SNX8: variants seen among roughly 807,000 people sequenced by gnomAD.
SNX8 encodes the protein sorting nexin-8.
In SNX8, 25 loss-of-function variants were observed where a neutral mutation model predicts 51.6. That is an observed-to-expected ratio of 0.48 (90% CI 0.35 to 0.68). The LOEUF (loss-of-function observed/expected upper bound fraction) is 0.68, where lower values mean the gene tolerates loss of function less well. Ranked by LOEUF, SNX8 falls within the 30% of genes least tolerant of loss-of-function variation. The probability of loss-of-function intolerance (pLI) is 0.00; values close to 1 mark genes in which losing one functional copy is unlikely to be tolerated. For synonymous variants in SNX8, 324 were observed against 277.0 expected (o/e 1.17, Z -1.68); for missense variants, 695 against 624.0 (o/e 1.11, Z -1.21).
rs1446746858 is a variant in SNX8 at position 2,348,170 on chromosome 7, C to T, written c.-66+6052G>A. On this transcript the variant is annotated intron_variant, in intron 1 of 5. Transcript: ENST00000435336. The stretch of plus-strand genomic sequence containing the variant: ...CACACTGAAAAGGGCGGGCTAAGAT[C>T]GCCATCTGTAGGTGAATCGTTTCTT... 2.6e-5 allele frequency among the ~76,000 whole-genome samples: 4 copies of T among 152,044 alleles called. No homozygotes were observed. The East Asian group carries it at 7.7e-4, about 29-fold the overall frequency.
At chr7:2,339,355 G>T (rs1778882893) in intron 1 of SNX8, among the ~76,000 whole-genome samples, 1 of 151,890 alleles carries the variant, frequency 6.6e-6, no homozygotes, top group Admixed American at 6.6e-5. Flanking sequence ...ACAGGCACGT[G>T]CCACCACGCC....
At chr7:2,288,928 G>T (rs919422427) in intron 1 of SNX8, among the ~76,000 whole-genome samples, 12 of 152,224 alleles carry the variant, frequency 7.9e-5, no homozygotes, top group Admixed American at 7.2e-4. Context: ...GTAGAGATGA[G>T]GTTTCCCCAT....
chr7:2,289,261 C>G (rs771887743), intron 1 of SNX8, among the ~76,000 whole-genome samples: 2 of 152,120 alleles, frequency 1.3e-5, no homozygotes, highest in Non-Finnish European at 2.9e-5. Flanking sequence ...GGTGCTGTTA[C>G]GAACATTCCA....
In SNX8 at chr7:2,269,560, T is replaced by C; in HGVS notation, c.620A>G (p.Lys207Arg). 6.5e-7 allele frequency: 1 copy of C among 1,532,204 alleles called. No homozygotes were observed. Among genetic ancestry groups the C allele is most frequent in the South Asian group, 1.3e-5 (1 of 78,272 alleles). 94.9% of individuals were successfully genotyped at this position (1,532,204 alleles called of 1,614,324 possible). ...AAAAGAAAAAAAAAAGAAAAATACC[T>C]TGGCCCTGGTAGCCAGCTTACAGTT... ...FLNCKLATRA[K>R]DFLPADIQAQ... The change falls in exon 5 of 11, where the codon AAG becomes AGG. Residue 207 changes from lysine (K) to arginine (R), a missense_variant and splice_region_variant. By Grantham distance (26) the Lys-to-Arg change is conservative. Coordinates refer to ENST00000222990, the MANE Select transcript of SNX8 (RefSeq NM_013321.4).
intron 6 of SNX8, 88 bp downstream of exon 6, chr7:2,264,210 G>A (rs147536131): frequency 1.5e-4 from 204 of 1,327,324 alleles, no homozygotes; most frequent in African/African-American, 1.2e-3. Context: ...TGGTTATTAC[G>A]GTAAACGCAC....
chr7:2,278,722 C>G (rs71525367), intron 1 of SNX8, among the ~76,000 whole-genome samples: 1 of 80,492 alleles, frequency 1.2e-5, no homozygotes, highest in South Asian at 5.3e-4. Flanking sequence ...ACTACGGAGT[C>G]GAAGCCGGAC....
chr7:2,283,698 T>C (rs1795959710), intron 1 of SNX8, among the ~76,000 whole-genome samples: 1 of 152,062 alleles, frequency 6.6e-6, no homozygotes, highest in Non-Finnish European at 1.5e-5. Flanking sequence ...CCAAAGTGGG[T>C]GCGTATCAGA....
At chr7:2,264,217 G>A (rs565757020) in intron 6 of SNX8, 81 bp downstream of exon 6, 361 of 1,389,290 alleles carry the variant, frequency 2.6e-4, no homozygotes, top group African/African-American at 1.1e-3. Flanking sequence ...TACGGTAAAC[G>A]CACTTTCCGC....
At chr7:2,345,373 C>T (rs1440780468) in intron 1 of SNX8, among the ~76,000 whole-genome samples, 1 of 152,096 alleles carries the variant, frequency 6.6e-6, no homozygotes, top group Non-Finnish European at 1.5e-5. Context: ...CCAAAGGGGA[C>T]AAATAAAACT....
chr7:2,260,238 C>G (rs900539876), intron 7 of SNX8, among the ~76,000 whole-genome samples: 1 of 152,136 alleles, frequency 6.6e-6, no homozygotes, highest in Admixed American at 6.5e-5. Flanking sequence ...GCTGAGATTA[C>G]AGGTGCCCGC....
intron 1 of SNX8, among the ~76,000 whole-genome samples, chr7:2,279,305 T>C (rs1050727234): frequency 2.7e-5 from 4 of 148,378 alleles, no homozygotes; most frequent in Middle Eastern, 3.4e-3. Context: ...GAAGCCGGAC[T>C]CACTCACACT....
At chr7:2,263,811 T>C (rs995074247) in intron 6 of SNX8, among the ~76,000 whole-genome samples, 2 of 152,044 alleles carry the variant, frequency 1.3e-5, no homozygotes, top group Non-Finnish European at 2.9e-5. Flanking sequence ...CCTCCTAGGT[T>C]CAAGCAATTC....
At chr7:2,349,224 TA>T (rs1024633335) in intron 1 of SNX8, among the ~76,000 whole-genome samples, 1 of 148,120 alleles carries the variant, frequency 6.8e-6, no homozygotes, top group Non-Finnish European at 1.5e-5. Context: ...AAAAAAAAAG[TA>T]AAAAAAATGC....
chr7:2,326,191 CCT>C (rs1363401451), intron 1 of SNX8, among the ~76,000 whole-genome samples: 3 of 151,444 alleles, frequency 2.0e-5, no homozygotes, highest in Non-Finnish European at 4.4e-5. Context: ...TAGTGAGACC[CCT>C]GTCTCTACAA....
chr7:2,259,595 G>C, intron 7 of SNX8, among the ~76,000 whole-genome samples: 1 of 152,278 alleles, frequency 6.6e-6, no homozygotes, highest in Middle Eastern at 3.4e-3. Flanking sequence ...ACCTCAGGCC[G>C]ACTGAACCCG....
chr7:2,290,795 G>A (rs1796133270), intron 1 of SNX8, among the ~76,000 whole-genome samples: 2 of 152,108 alleles, frequency 1.3e-5, no homozygotes, highest in African/African-American at 4.8e-5. Flanking sequence ...TCCCGAGAGT[G>A]ACCTCCGCAC....
chr7:2,348,329 T>C (rs994862682), intron 1 of SNX8, among the ~76,000 whole-genome samples: 3 of 140,386 alleles, frequency 2.1e-5, no homozygotes, highest in African/African-American at 7.8e-5. Flanking sequence ...CTTTTTCTTT[T>C]CTTTCTTTCT....
chr7:2,306,607 T>A (rs910673270), intron 1 of SNX8, among the ~76,000 whole-genome samples: 2 of 151,978 alleles, frequency 1.3e-5, no homozygotes, highest in African/African-American at 4.8e-5. Context: ...TGTAGAAAAA[T>A]GTCAAGTGAA....
intron 1 of SNX8, among the ~76,000 whole-genome samples, chr7:2,287,631 G>T (rs1296531196): frequency 6.6e-6 from 1 of 151,838 alleles, no homozygotes; most frequent in Non-Finnish European, 1.5e-5. Context: ...GGCACCTATA[G>T]TCCCAGCTAC....
Sources: gnomAD v4.1 joint callset for allele counts (sites outside exome capture counted in the v4.1 genomes callset) on GRCh38, gnomAD v4.1.1 for gene constraint, MANE v1.5 for transcripts, NCBI Gene and HGNC (gene_info 2026-07-23, HGNC 2026-07-21) for gene names.